The following TMEM108 variants were observed in gnomAD, a reference collection of about 807,000 sequenced individuals.
The protein encoded by TMEM108 is transmembrane protein 108, also known as cancer/testis antigen 124.
TMEM108 carries 12 observed loss-of-function variants against 35.1 expected under a neutral mutation model. The ratio of observed to expected loss-of-function variants is 0.34; its 90% CI spans 0.22 to 0.55. The LOEUF is 0.55. TMEM108 is among the 20% of genes least tolerant of loss of function. The probability of loss-of-function intolerance (pLI) is 0.89; values close to 1 mark genes in which losing one functional copy is unlikely to be tolerated. For missense variants in TMEM108, 680 were observed against 753.3 expected (o/e 0.90, Z 1.14); for synonymous variants, 287 against 308.6 (o/e 0.93, Z 0.73).
At chr3:133,270,226 T>A (rs1946751869) in intron 3 of TMEM108, among the ~76,000 whole-genome samples, 1 of 152,130 alleles carries the variant, frequency 6.6e-6, no homozygotes, top group Non-Finnish European at 1.5e-5. Flanking sequence ...TAAACTACAG[T>A]ATAGGTTATT....
Position 133,289,189 on chromosome 3 carries a change from G to A in TMEM108, c.40+59838G>A, listed in dbSNP as rs116559557. ...AATGGTTCTTGGGGCTTGGGGATGG[G>A]ATTTGGGGGTCCATCATTTTATCCT... On this transcript the variant is annotated intron_variant, in intron 3 of 5. Transcript: ENST00000321871. 2.8e-3 allele frequency among the ~76,000 whole-genome samples: 428 copies of A among 152,210 alleles called. 5 individuals carry two copies. The highest frequency in any genetic ancestry group is 9.8e-3 in the African/African-American group (408 of 41,526).
intron 2 of TMEM108, among the ~76,000 whole-genome samples, chr3:133,193,755 T>G (rs529834358): frequency 6.6e-6 from 1 of 152,288 alleles, no homozygotes; most frequent in East Asian, 1.9e-4. Flanking sequence ...CTCATATTAC[T>G]GATCAACTGG....
chr3:133,123,928 A>G (rs552161962), intron 2 of TMEM108, among the ~76,000 whole-genome samples: 4 of 152,296 alleles, frequency 2.6e-5, no homozygotes, highest in South Asian at 4.2e-4. Context: ...GTTTTTCTCC[A>G]GGACCTGACT....
chr3:133,068,197 A>G (rs1467419271), intron 2 of TMEM108, among the ~76,000 whole-genome samples: 2 of 152,118 alleles, frequency 1.3e-5, no homozygotes, highest in African/African-American at 4.8e-5. Flanking sequence ...TCCCACATGA[A>G]CTTAGGAGAA....
At chr3:133,391,316 T>C (rs1341642098) in intron 5 of TMEM108, among the ~76,000 whole-genome samples, 1 of 152,144 alleles carries the variant, frequency 6.6e-6, no homozygotes, top group Non-Finnish European at 1.5e-5. Context: ...GCAATTGAGA[T>C]GGCCCAGGAG....
intron 2 of TMEM108, among the ~76,000 whole-genome samples, chr3:133,123,585 A>G (rs776989087): frequency 6.6e-6 from 1 of 152,232 alleles, no homozygotes; most frequent in Non-Finnish European, 1.5e-5. Context: ...TTTGAGGTTC[A>G]TTTAAGCAAA....
At chr3:133,174,768 G>A (rs866330715) in intron 2 of TMEM108, among the ~76,000 whole-genome samples, 1 of 152,192 alleles carries the variant, frequency 6.6e-6, no homozygotes, top group African/African-American at 2.4e-5. Flanking sequence ...AAATCAGAGC[G>A]CTTCTCTCCT....
At chr3:133,047,165 G>A (rs962537099) in intron 2 of TMEM108, among the ~76,000 whole-genome samples, 18 of 152,184 alleles carry the variant, frequency 1.2e-4, no homozygotes, top group African/African-American at 4.3e-4. Flanking sequence ...CAGGTGAGCA[G>A]CCCGATGCAG....
Position 133,093,699 on chromosome 3 carries a change from T to G in TMEM108, c.-47+47679T>G, listed in dbSNP as rs571620793. On this transcript the variant is annotated intron_variant, in intron 2 of 5. Transcript: ENST00000321871. ...TATGACTTACTGGGTGGAAGAAACTTAATTCTGATGGGGACGGAGATGGAC... is the reference window on the plus strand; with the variant it reads ...TATGACTTACTGGGTGGAAGAAACTGAATTCTGATGGGGACGGAGATGGAC... 2.0e-5 allele frequency among the ~76,000 whole-genome samples: 3 copies of G among 152,318 alleles called. No individual in the cohort carries two copies. In the South Asian group the frequency reaches 6.2e-4, roughly 32 times the overall value.
intron 2 of TMEM108, among the ~76,000 whole-genome samples, chr3:133,177,500 G>C (rs1318283983): frequency 6.6e-6 from 1 of 152,192 alleles, no homozygotes; most frequent in Non-Finnish European, 1.5e-5. Context: ...TGGGATGCAA[G>C]GCTGGTTCAA....
intron 2 of TMEM108, among the ~76,000 whole-genome samples, chr3:133,139,812 T>C (rs865855065): frequency 2.0e-5 from 3 of 152,228 alleles, no homozygotes; most frequent in Non-Finnish European, 4.4e-5. Context: ...TGCTTGCCAC[T>C]GTGACATCTC....
At chr3:133,271,750 C>G (rs1398362743) in intron 3 of TMEM108, among the ~76,000 whole-genome samples, 6 of 152,082 alleles carry the variant, frequency 3.9e-5, no homozygotes, top group Non-Finnish European at 8.8e-5. Context: ...ATGAGCCAGC[C>G]CCACCTAGAA....
chr3:133,210,142 C>T (rs1478469258), intron 2 of TMEM108, among the ~76,000 whole-genome samples: 2 of 152,202 alleles, frequency 1.3e-5, no homozygotes, highest in Non-Finnish European at 2.9e-5. Flanking sequence ...TCTCGTAAAA[C>T]TGTCACTTTC....
chr3:133,136,182 C>T (rs1944562091), intron 2 of TMEM108, among the ~76,000 whole-genome samples: 1 of 152,178 alleles, frequency 6.6e-6, no homozygotes, highest in Admixed American at 6.5e-5. Context: ...CCTGCCTTCA[C>T]TGTGTTTTGC....
chr3:133,397,266 T>TTGA lies in TMEM108; in HGVS notation c.*1282_*1284dup, dbSNP rs1335815304. 6.6e-6 allele frequency: 1 copy of TTGA among 152,178 alleles called. No homozygotes were observed. Among genetic ancestry groups the TTGA allele is most frequent in the Non-Finnish European group, 1.5e-5 (1 of 68,026 alleles). The allele number at this position is 152,178 out of a possible 1,614,324, so 9.4% of individuals were successfully genotyped here. On this transcript the variant is annotated 3_prime_UTR_variant, in exon 6 of 6. Coordinates refer to ENST00000321871, the MANE Select transcript of TMEM108 (RefSeq NM_023943.4). ...TTCCTTTCTCTAAAAGAAAAATAGTTTGATAGTATATTTTGAATATAGATG... is the reference window on the plus strand; with the variant it reads ...TTCCTTTCTCTAAAAGAAAAATAGTTTGATGATAGTATATTTTGAATATAGATG...
intron 5 of TMEM108, among the ~76,000 whole-genome samples, chr3:133,394,137 G>A (rs16840361): frequency 0.01 from 1,589 of 152,328 alleles, 34 homozygotes; most frequent in African/African-American, 0.036. Flanking sequence ...GATGAAGCCA[G>A]CCAAGCACAC....
chr3:133,248,423 C>A (rs980994114), intron 3 of TMEM108: 1 of 152,188 alleles, frequency 6.6e-6, no homozygotes. Context: ...TCGGTAGGCA[C>A]CGCCTTTGTA....
intron 3 of TMEM108, among the ~76,000 whole-genome samples, chr3:133,342,542 TG>T (rs1463621777): frequency 4.4e-4 from 2 of 4,510 alleles, no homozygotes; most frequent in East Asian, 0.029. Context: ...AAAGAAAATG[TG>T]GTATATATAT....
At chr3:133,168,857 G>A (rs559919439) in intron 2 of TMEM108, among the ~76,000 whole-genome samples, 1 of 152,308 alleles carries the variant, frequency 6.6e-6, no homozygotes, top group South Asian at 2.1e-4. Flanking sequence ...CCTGAGGCCA[G>A]CGAGACCACA....
Sources: allele counts gnomAD v4.1 joint callset (sites outside exome capture counted in the v4.1 genomes callset), GRCh38; gene constraint gnomAD v4.1.1; transcripts MANE v1.5; gene names NCBI Gene and HGNC (gene_info 2026-07-23, HGNC 2026-07-21).